The following ELAPOR2 variants were observed in gnomAD, a reference collection of about 807,000 sequenced individuals.
The protein encoded by ELAPOR2 is endosome-lysosome associated apoptosis and autophagy regulator family member 2.
Under a neutral mutation model 120.7 loss-of-function variants are expected in ELAPOR2, and 89 were observed. The ratio of observed to expected loss-of-function variants is 0.74; its 90% CI spans 0.62 to 0.88. The LOEUF (loss-of-function observed/expected upper bound fraction) is 0.88, where lower values mean the gene tolerates loss of function less well. Among genes scored for constraint, ELAPOR2 ranks in the 40% least tolerant of loss-of-function variants. The pLI, the probability that ELAPOR2 is intolerant of heterozygous loss-of-function variation, is 0.00. For synonymous variants in ELAPOR2, 444 were observed against 444.9 expected (o/e 1.00, Z 0.03); for missense variants, 1,134 against 1,251.6 (o/e 0.91, Z 1.42).
In ELAPOR2 at chr7:86,880,193, C is replaced by T; in HGVS notation, c.*278G>A. On this transcript the variant is annotated 3_prime_UTR_variant, in exon 22 of 22. Transcript: ENST00000450689. Reference sequence around the variant, plus strand: ...TCAGCAGTGCATTGGTGGGCTTAAACTTGGTTTTCAGTTATGTGTATATAC... The same window carrying T: ...TCAGCAGTGCATTGGTGGGCTTAAATTTGGTTTTCAGTTATGTGTATATAC... The T allele has an allele frequency of 2.4e-6, 1 of 414,568 alleles. No individual in the cohort carries two copies. The highest frequency in any genetic ancestry group is 4.3e-6 in the Non-Finnish European group (1 of 232,186). 25.7% of individuals were successfully genotyped at this position (414,568 alleles called of 1,614,324 possible). A position where few individuals can be genotyped will look rare whatever the true frequency, so the allele number is the denominator to read the frequency against.
intron 1 of ELAPOR2, among the ~76,000 whole-genome samples, chr7:87,046,288 A>G (rs1275280628): frequency 6.6e-6 from 1 of 152,244 alleles, no homozygotes; most frequent in African/African-American, 2.4e-5. Context: ...AACCCTGATG[A>G]GAGAAATTCA....
At position 86,905,920 on chromosome 7, in the gene ELAPOR2, T is replaced by C. The variant is rs1008970573; in HGVS notation, c.2558+1750A>G. ...TCCTCTCCAAATAGGAAAAATTCAG[T>C]TTCTACATGCCATCGCTTAACTCCA... On this transcript the variant is annotated intron_variant, in intron 18 of 21. Coordinates refer to ENST00000450689, the MANE Select transcript of ELAPOR2 (RefSeq NM_001142749.3). Among the ~76,000 whole-genome samples, 10 of 152,298 alleles carry C rather than the reference T, an allele frequency of 6.6e-5. No individual in the cohort carries two copies. In the South Asian group the frequency reaches 2.1e-3, roughly 32 times the overall value.
chr7:86,890,869 G>A (rs1224467770), intron 21 of ELAPOR2, among the ~76,000 whole-genome samples: 1 of 151,952 alleles, frequency 6.6e-6, no homozygotes, highest in East Asian at 1.9e-4. Flanking sequence ...GAGAGTACAA[G>A]GAAATGGTTA....
intron 1 of ELAPOR2, among the ~76,000 whole-genome samples, chr7:87,002,692 C>G (rs550850103): frequency 1.3e-5 from 2 of 152,202 alleles, no homozygotes; most frequent in East Asian, 3.9e-4. Flanking sequence ...ACCAATGCCT[C>G]CCACTCAACT....
chr7:86,892,937 C>T lies in ELAPOR2; in HGVS notation c.2849G>A (p.Trp950Ter). Residue 950 changes from tryptophan to a stop codon, truncating the protein, a stop_gained, in exon 20 of 22, where the codon TGG (tryptophan) becomes TAG (stop). Coordinates refer to ENST00000450689, the MANE Select transcript of ELAPOR2 (RefSeq NM_001142749.3). LOFTEE classifies it high-confidence loss of function. ...VLLVALTCYF[W>*]KKNQKLEYKY... ...GGGTACTTACTTTTGATTCTTTTTC[C>T]AGAAGTAGCAGGTCAGAGCCACCAG... 1 of 1,540,620 alleles carries T rather than the reference C, an allele frequency of 6.5e-7. No homozygotes were observed. The highest frequency in any genetic ancestry group is 2.4e-5 in the East Asian group (1 of 41,322).
At chr7:86,888,361 G>C (rs1210486641) in intron 21 of ELAPOR2, among the ~76,000 whole-genome samples, 6 of 152,120 alleles carry the variant, frequency 3.9e-5, no homozygotes, top group Non-Finnish European at 7.4e-5. Context: ...TCTGATAATG[G>C]AGGAGACAGC....
intron 2 of ELAPOR2, among the ~76,000 whole-genome samples, chr7:86,950,341 A>G (rs999076368): frequency 6.6e-6 from 1 of 152,218 alleles, no homozygotes; most frequent in Non-Finnish European, 1.5e-5. Flanking sequence ...TAGGGCTGAA[A>G]CATGCTCCTT....
intron 1 of ELAPOR2, among the ~76,000 whole-genome samples, chr7:87,016,551 T>C (rs1793872125): frequency 6.6e-6 from 1 of 151,584 alleles, no homozygotes. Context: ...AAAAGAGCAA[T>C]GCCCCAAAAA....
chr7:87,004,146 A>T (rs1366701543), intron 1 of ELAPOR2, among the ~76,000 whole-genome samples: 2 of 152,222 alleles, frequency 1.3e-5, no homozygotes, highest in African/African-American at 4.8e-5. Flanking sequence ...GCAGGCCTGC[A>T]GGAGCCGAGA....
chr7:87,051,442 C>A (rs555319339), intron 1 of ELAPOR2, among the ~76,000 whole-genome samples: 6 of 152,314 alleles, frequency 3.9e-5, no homozygotes, highest in Admixed American at 3.3e-4. Context: ...TACTTCAATG[C>A]ACCTCCTGAG....
At chr7:86,963,418 G>T (rs1461147697) in intron 2 of ELAPOR2, among the ~76,000 whole-genome samples, 2 of 152,066 alleles carry the variant, frequency 1.3e-5, no homozygotes, top group African/African-American at 4.8e-5. Flanking sequence ...AGCTCCCAAG[G>T]GAAGGGATGC....
In ELAPOR2 at chr7:86,947,852, G is replaced by A; in HGVS notation, c.381C>T (p.Thr127=). The change falls in exon 3 of 22, where the codon ACC becomes ACT. Residue 127 remains threonine (T), a synonymous_variant. Transcript: ENST00000450689. Reference sequence around the variant, plus strand: ...ATTTGATGCCACTGCCCAAGGAATAGGTGCCTTCACCACACTTACTGCATA... The same window carrying A: ...ATTTGATGCCACTGCCCAAGGAATAAGTGCCTTCACCACACTTACTGCATA... ...NQVCSKCGEG[T]YSLGSGIKFD... 7.1e-6 allele frequency: 11 copies of A among 1,552,100 alleles called. No individual in the cohort carries two copies. The highest frequency in any genetic ancestry group is 9.6e-6 in the Non-Finnish European group (11 of 1,147,054).
intron 21 of ELAPOR2, among the ~76,000 whole-genome samples, chr7:86,880,821 T>A (rs2115708079): frequency 1.3e-5 from 2 of 151,798 alleles, no homozygotes; most frequent in Middle Eastern, 6.8e-3. Flanking sequence ...AAGAAACCAC[T>A]GAGACCCTTC....
At chr7:86,998,359 C>T (rs1167679369) in intron 1 of ELAPOR2, among the ~76,000 whole-genome samples, 6 of 152,104 alleles carry the variant, frequency 3.9e-5, no homozygotes, top group African/African-American at 7.2e-5. Flanking sequence ...AAATGGTGAA[C>T]GATTAAGAAG....
intron 1 of ELAPOR2, among the ~76,000 whole-genome samples, chr7:86,978,861 C>T (rs1319992462): frequency 6.6e-6 from 1 of 152,164 alleles, no homozygotes; most frequent in Non-Finnish European, 1.5e-5. Context: ...ATACTAGACA[C>T]CAGGAAATAA....
At chr7:87,059,086 G>C (rs972493653) in intron 1 of ELAPOR2, among the ~76,000 whole-genome samples, 1 of 151,814 alleles carries the variant, frequency 6.6e-6, no homozygotes, top group East Asian at 1.9e-4. Context: ...GTCCTGCAGA[G>C]CCCCCAAAAG....
chr7:86,975,473 A>G (rs1295425939), intron 1 of ELAPOR2, among the ~76,000 whole-genome samples: 2 of 152,236 alleles, frequency 1.3e-5, no homozygotes, highest in African/African-American at 4.8e-5. Flanking sequence ...TACCTCTGTC[A>G]TAACTATACT....
intron 1 of ELAPOR2, among the ~76,000 whole-genome samples, chr7:86,993,766 T>C (rs929142396): frequency 1.3e-5 from 2 of 152,190 alleles, no homozygotes; most frequent in Non-Finnish European, 2.9e-5. Flanking sequence ...AAATCCAACT[T>C]GTACACAATC....
chr7:86,998,090 T>G (rs1767734), intron 1 of ELAPOR2, among the ~76,000 whole-genome samples: 57,512 of 151,934 alleles, frequency 0.38, 11,731 homozygotes, highest in African/African-American at 0.53. Flanking sequence ...CAAAAAAAAG[T>G]ACTGTTTCCT....
Sources: allele counts gnomAD v4.1 joint callset (sites outside exome capture counted in the v4.1 genomes callset), GRCh38; gene constraint gnomAD v4.1.1; transcripts MANE v1.5; gene names NCBI Gene and HGNC (gene_info 2026-07-23, HGNC 2026-07-21).